The following ABCC9 variants were observed in gnomAD, a reference collection of about 807,000 sequenced individuals.
ABCC9 encodes the protein ATP binding cassette subfamily C member 9, also known as ATP-binding cassette sub-family C member 9.
Under a neutral mutation model 188.3 loss-of-function variants are expected in ABCC9, and 95 were observed. The observed-to-expected ratio is 0.50, with a 90% CI of 0.43 to 0.60. The LOEUF is 0.60. Among genes scored for constraint, ABCC9 ranks in the 20% least tolerant of loss-of-function variants. The pLI, the probability that ABCC9 is intolerant of heterozygous loss-of-function variation, is 0.00. For missense variants in ABCC9, 1,102 were observed against 1,876.3 expected, an observed-to-expected ratio of 0.59 and a Z score of 7.62; for synonymous variants, 659 against 652.7, an observed-to-expected ratio of 1.01 and a Z score of -0.15.
chr12:21,826,372 T>C (rs138845651), intron 31 of ABCC9, among the ~76,000 whole-genome samples: 1 of 152,288 alleles, frequency 6.6e-6, no homozygotes, highest in East Asian at 1.9e-4. Context: ...ACTTCATTTT[T>C]CTCACGCAAG....
At chr12:21,862,690 A>C (rs1410126927) in intron 20 of ABCC9, among the ~76,000 whole-genome samples, 1 of 151,778 alleles carries the variant, frequency 6.6e-6, no homozygotes, top group Non-Finnish European at 1.5e-5. Context: ...TACCCTCCCC[A>C]CCCCACACAC....
rs549270675 is a variant in ABCC9, at chr12:21,887,998, C to T, written c.1803-64G>A. ...AAAACCACCACCAACAAAGTGCTAC[C>T]TAAATAACGACTTTAACACACAGTA... is the stretch of plus-strand genomic sequence containing the variant. On this transcript the variant is annotated intron_variant, in intron 14 of 39. Transcript: ENST00000261200. 9 of 1,238,204 alleles carry T rather than the reference C, an allele frequency of 7.3e-6. No individual in the cohort carries two copies. The African/African-American group carries it at 1.3e-4, about 18-fold the overall frequency. The allele number at this position is 1,238,204 out of a possible 1,614,324, so 76.7% of individuals were successfully genotyped here.
At position 21,818,526 on chromosome 12, in the gene ABCC9, ATG is replaced by A. The variant is rs71053348; in HGVS notation, c.3670-277_3670-276del. Among the ~76,000 whole-genome samples the A allele has an allele frequency of 0.062, 8,447 of 136,294 alleles. 290 individuals carry two copies. The highest frequency in any genetic ancestry group is 0.081 in the South Asian group (343 of 4,220). The allele number at this position is 136,294 out of a possible 152,430, so 89.4% of individuals were successfully genotyped here. ...TATATAACTATATAGATATATATAT[ATG>A]TGTGTGTGTGTGTGTGTGTGTGTGT... On this transcript the variant is annotated intron_variant, in intron 31 of 39. Transcript: ENST00000261200.
chr12:21,859,490 A>G (rs1945395914), intron 22 of ABCC9, 96 bp downstream of exon 22: 2 of 1,225,164 alleles, frequency 1.6e-6, no homozygotes, highest in Non-Finnish European at 2.4e-6. Context: ...AAGTTAAACC[A>G]TCTTTCCTTG....
intron 35 of ABCC9, among the ~76,000 whole-genome samples, chr12:21,812,469 AG>A (rs1415067822): frequency 6.6e-6 from 1 of 152,198 alleles, no homozygotes; most frequent in Non-Finnish European, 1.5e-5. Flanking sequence ...TCAATGATAG[AG>A]TGGATAAAGA....
intron 15 of ABCC9, among the ~76,000 whole-genome samples, chr12:21,884,928 A>AG (rs1009726486): frequency 3.3e-5 from 5 of 152,210 alleles, no homozygotes; most frequent in Non-Finnish European, 7.3e-5. Flanking sequence ...CATACAAAAC[A>AG]GGTCTACACC....
At chr12:21,864,830 A>G (rs1945702827) in intron 18 of ABCC9, among the ~76,000 whole-genome samples, 1 of 152,150 alleles carries the variant, frequency 6.6e-6, no homozygotes, top group South Asian at 2.1e-4. Flanking sequence ...AGGACTCTGT[A>G]TTTCCAAGGC....
At chr12:21,837,249 G>T (rs1005533861) in intron 30 of ABCC9, among the ~76,000 whole-genome samples, 9 of 152,146 alleles carry the variant, frequency 5.9e-5, no homozygotes, top group Non-Finnish European at 8.8e-5. Flanking sequence ...AGTGCAGAAA[G>T]CATGAATGCT....
In ABCC9 at chr12:21,797,937, G is replaced by A. The variant is rs564104583; in HGVS notation, c.*3107C>T. ...TGTAAAATCTGATTTAGTTAAGGTG[G>A]TCATCTTTTACAGATATGTACCTAT... On this transcript the variant is annotated 3_prime_UTR_variant, in exon 40 of 40. Transcript: ENST00000261200. 3 of 152,000 alleles carry A rather than the reference G, an allele frequency of 2.0e-5. No homozygotes were observed. The highest frequency in any genetic ancestry group is 7.2e-5 in the African/African-American group (3 of 41,396). The allele number at this position is 152,000 out of a possible 1,614,324, so 9.4% of individuals were successfully genotyped here. A position where few individuals can be genotyped will look rare whatever the true frequency, so the allele number is the denominator to read the frequency against.
At chr12:21,853,686 T>C (rs1388468547) in intron 22 of ABCC9, among the ~76,000 whole-genome samples, 4 of 152,192 alleles carry the variant, frequency 2.6e-5, no homozygotes. Flanking sequence ...TTTCACATTT[T>C]GGATCTTAAA....
rs1299557963 is a variant in ABCC9, at chr12:21,838,396, C to A, written c.3474-226G>T. Among the ~76,000 whole-genome samples, 6 of 152,064 alleles carry A rather than the reference C, an allele frequency of 3.9e-5. 1 individual carries two copies. In the East Asian group the frequency reaches 5.8e-4, roughly 15 times the overall value. On this transcript the variant is annotated intron_variant, in intron 29 of 39. Transcript: ENST00000261200. ...TAGAGGCTGAACATAATGTGTTGTA[C>A]AAAACTATCATCTCTGTGTAACAGC...
rs572074725 is a variant in ABCC9, at chr12:21,845,596, A to G, written c.3096+7T>C. 9 of 1,611,900 alleles carry G rather than the reference A, an allele frequency of 5.6e-6. 1 individual carries two copies. The African/African-American group carries it at 9.3e-5, about 17-fold the overall frequency. On this transcript the variant is annotated splice_region_variant and intron_variant, in intron 26 of 39. Coordinates refer to ENST00000261200, the MANE Select transcript of ABCC9 (RefSeq NM_020297.4). Reference sequence around the variant, plus strand: ...ATGATTTAAAAACAAAACCGAACCAATTGTACCTGATCAGCTTTTCCAGTA... The same window carrying G: ...ATGATTTAAAAACAAAACCGAACCAGTTGTACCTGATCAGCTTTTCCAGTA...
In ABCC9 at chr12:21,816,036, G is replaced by GTTTTTT. The variant is rs10611051; in HGVS notation, c.3893-149_3893-144dup. Reference sequence around the variant, plus strand: ...TAATACTGAACCAAACTATGTGGCAGTTTTTTTTTTTTTTTTTTTTTTTTT... The same window carrying GTTTTTT: ...TAATACTGAACCAAACTATGTGGCAGTTTTTTTTTTTTTTTTTTTTTTTTTTTTTTT... On this transcript the variant is annotated intron_variant, in intron 33 of 39. Transcript: ENST00000261200. The GTTTTTT allele has an allele frequency of 1.0e-3, 58 of 58,254 alleles. 3 individuals carry two copies. Among genetic ancestry groups the GTTTTTT allele is most frequent in the African/African-American group, 1.9e-3 (31 of 16,646 alleles). 3.6% of individuals were successfully genotyped at this position (58,254 alleles called of 1,614,324 possible).
At chr12:21,857,962 G>T (rs1386879695) in intron 22 of ABCC9, among the ~76,000 whole-genome samples, 1 of 152,132 alleles carries the variant, frequency 6.6e-6, no homozygotes, top group Non-Finnish European at 1.5e-5. Flanking sequence ...AGGAAAAGCT[G>T]CCTTAAAGGT....
chr12:21,844,368 TA>T, intron 28 of ABCC9, 114 bp downstream of exon 28: 1 of 877,730 alleles, frequency 1.1e-6, no homozygotes, highest in South Asian at 1.4e-5. Context: ...AATGGGCCTT[TA>T]TTTAAATTTC....
chr12:21,916,346 A>G (rs1948603707), intron 6 of ABCC9, among the ~76,000 whole-genome samples: 2 of 152,136 alleles, frequency 1.3e-5, no homozygotes, highest in South Asian at 4.1e-4. Context: ...CTTTCTACTC[A>G]CAGATCAAGT....
chr12:21,910,583 A>G (rs962413053), intron 9 of ABCC9, among the ~76,000 whole-genome samples: 5 of 151,944 alleles, frequency 3.3e-5, no homozygotes, highest in African/African-American at 1.2e-4. Context: ...GAACAAACAG[A>G]AAGAGATAAA....
At chr12:21,867,907 C>T (rs555605176) in intron 18 of ABCC9, among the ~76,000 whole-genome samples, 1 of 151,794 alleles carries the variant, frequency 6.6e-6, no homozygotes, top group South Asian at 2.1e-4. Flanking sequence ...ATTCTGGACA[C>T]TCCTCTGAAA....
chr12:21,891,882 C>T (rs1488476325), intron 14 of ABCC9, among the ~76,000 whole-genome samples: 1 of 152,124 alleles, frequency 6.6e-6, no homozygotes, highest in Non-Finnish European at 1.5e-5. Flanking sequence ...GCTTCCCAGG[C>T]ACAGAAGAAA....
Sources: allele counts gnomAD v4.1 joint callset (sites outside exome capture counted in the v4.1 genomes callset), GRCh38; gene constraint gnomAD v4.1.1; transcripts MANE v1.5; gene names NCBI Gene and HGNC (gene_info 2026-07-23, HGNC 2026-07-21).